VPS13B: variants seen among roughly 807,000 people sequenced by gnomAD.
VPS13B encodes vacuolar protein sorting 13 homolog B.
Under a neutral mutation model 426.4 loss-of-function variants are expected in VPS13B, and 285 were observed. The ratio of observed to expected loss-of-function variants is 0.67; its 90% CI spans 0.61 to 0.74. The LOEUF is 0.74. Among genes scored for constraint, VPS13B ranks in the 30% least tolerant of loss-of-function variants. The pLI, the probability that VPS13B is intolerant of heterozygous loss-of-function variation, is 0.00. For missense variants in VPS13B, 4,537 were observed against 4,782.6 expected, an observed-to-expected ratio of 0.95 and a Z score of 1.51; for synonymous variants, 1,676 against 1,676.4, an observed-to-expected ratio of 1.00 and a Z score of 0.01.
At chr8:99,136,832 CTGGT>C (rs1278797152) in intron 12 of VPS13B, 80 bp downstream of exon 12, 4 of 1,319,054 alleles carry the variant, frequency 3.0e-6, no homozygotes, top group South Asian at 1.2e-5. Flanking sequence ...TGGTCCTTGA[CTGGT>C]TGTACTCTGC....
At chr8:99,096,119 A>AT (rs1456922671) in intron 3 of VPS13B, among the ~76,000 whole-genome samples, 193 bp from the exon 4 acceptor site, 3 of 152,166 alleles carry the variant, frequency 2.0e-5, no homozygotes, top group African/African-American at 7.2e-5. Context: ...ACTATGAGTT[A>AT]TTAATATTTT....
At chr8:99,841,914 GAC>G (rs1232710203) in intron 54 of VPS13B, among the ~76,000 whole-genome samples, 1 of 152,018 alleles carries the variant, frequency 6.6e-6, no homozygotes, top group Non-Finnish European at 1.5e-5. Context: ...TGATTCCTAA[GAC>G]ACAGACTCCA....
intron 21 of VPS13B, among the ~76,000 whole-genome samples, chr8:99,403,079 C>T (rs3105182): frequency 0.26 from 39,432 of 152,086 alleles, 5,779 homozygotes; most frequent in East Asian, 0.44. Flanking sequence ...ATAACCAAAA[C>T]GGTAAAGGCA....
chr8:99,736,711 G>GA (rs1207875972), intron 39 of VPS13B, among the ~76,000 whole-genome samples: 2 of 151,648 alleles, frequency 1.3e-5, no homozygotes, highest in Non-Finnish European at 2.9e-5. Flanking sequence ...CACAAACTTG[G>GA]AAAAAAACCC....
intron 19 of VPS13B, among the ~76,000 whole-genome samples, chr8:99,310,776 T>A (rs2133097530): frequency 6.6e-6 from 1 of 152,344 alleles, no homozygotes; most frequent in Non-Finnish European, 1.5e-5. Flanking sequence ...CAGCTCCTCC[T>A]TGTACCTCTG....
intron 35 of VPS13B, among the ~76,000 whole-genome samples, chr8:99,694,804 A>G (rs1831877250): frequency 6.6e-6 from 1 of 152,238 alleles, no homozygotes; most frequent in African/African-American, 2.4e-5. Flanking sequence ...CTCATCTGAC[A>G]AAGGGCTAAT....
chr8:99,235,299 C>G (rs1324121462), intron 17 of VPS13B, among the ~76,000 whole-genome samples: 5 of 152,142 alleles, frequency 3.3e-5, no homozygotes, highest in Non-Finnish European at 5.9e-5. Flanking sequence ...TAAAAATCAA[C>G]TCTTAACATG....
chr8:99,644,571 TG>T (rs916823542), intron 34 of VPS13B, among the ~76,000 whole-genome samples: 1 of 151,594 alleles, frequency 6.6e-6, no homozygotes, highest in African/African-American at 2.4e-5. Context: ...AATATAGGGG[TG>T]GGGGGTAAAT....
intron 39 of VPS13B, among the ~76,000 whole-genome samples, chr8:99,755,813 G>A (rs1420121891): frequency 3.3e-5 from 5 of 151,882 alleles, no homozygotes; most frequent in Non-Finnish European, 5.9e-5. Context: ...AAACCCTGGG[G>A]AAGAGGAAGG....
chr8:99,845,332 C>T (rs955771395), intron 54 of VPS13B, among the ~76,000 whole-genome samples: 1 of 152,178 alleles, frequency 6.6e-6, no homozygotes, highest in South Asian at 2.1e-4. Flanking sequence ...CATCTCGTAT[C>T]TTCCCCCTTG....
chr8:99,020,197 T>G (rs973024269), intron 2 of VPS13B, among the ~76,000 whole-genome samples: 2 of 152,140 alleles, frequency 1.3e-5, no homozygotes, highest in African/African-American at 4.8e-5. Context: ...TGAAATGATA[T>G]CTCAATGTGG....
chr8:99,819,280 G>A (rs75297924), intron 47 of VPS13B, 132 bp from the exon 48 acceptor site: 37,064 of 1,046,390 alleles, frequency 0.035, 810 homozygotes, highest in Non-Finnish European at 0.042. Flanking sequence ...TCCACACACT[G>A]TCCCATAAAT....
chr8:99,608,352 G>A (rs1344008249), intron 33 of VPS13B, among the ~76,000 whole-genome samples: 2 of 149,210 alleles, frequency 1.3e-5, no homozygotes, highest in African/African-American at 2.5e-5. Flanking sequence ...TTACTCTCTT[G>A]CTCAGTCTAG....
intron 31 of VPS13B, among the ~76,000 whole-genome samples, chr8:99,569,133 GT>G (rs748411106): frequency 1.3e-5 from 2 of 152,038 alleles, no homozygotes; most frequent in African/African-American, 2.4e-5. Flanking sequence ...ATTACCACAA[GT>G]TTTAAGTATC....
chr8:99,020,800 A>C (rs1458662144), intron 2 of VPS13B, among the ~76,000 whole-genome samples: 1 of 152,156 alleles, frequency 6.6e-6, no homozygotes, highest in Non-Finnish European at 1.5e-5. Flanking sequence ...ATTGAGTAAT[A>C]TGTCTGCCTT....
chr8:99,648,943 G>A (rs1829698325), intron 34 of VPS13B, among the ~76,000 whole-genome samples: 2 of 147,636 alleles, frequency 1.4e-5, no homozygotes, highest in South Asian at 2.1e-4. Context: ...CTTCATCTGC[G>A]AGTACCTTTT....
chr8:99,015,624 C>A (rs538428566), intron 2 of VPS13B, among the ~76,000 whole-genome samples: 4 of 152,070 alleles, frequency 2.6e-5, no homozygotes, highest in African/African-American at 9.6e-5. Flanking sequence ...GTACTCCAGG[C>A]CGGGCACGGT....
intron 2 of VPS13B, among the ~76,000 whole-genome samples, chr8:99,034,586 C>T (rs1292857811): frequency 6.6e-6 from 1 of 152,080 alleles, no homozygotes; most frequent in Non-Finnish European, 1.5e-5. Flanking sequence ...CACATGCATA[C>T]AACTTTCTAG....
chr8:99,325,768 T>A (rs1191387333), intron 19 of VPS13B, among the ~76,000 whole-genome samples: 1 of 150,048 alleles, frequency 6.7e-6, no homozygotes, highest in Non-Finnish European at 1.5e-5. Context: ...AAGTATCAGG[T>A]AATTTCCTGT....
Sources: allele counts gnomAD v4.1 joint callset (sites outside exome capture counted in the v4.1 genomes callset), GRCh38; gene constraint gnomAD v4.1.1; transcripts MANE v1.5; gene names NCBI Gene and HGNC (gene_info 2026-07-23, HGNC 2026-07-21).